Variants in ANKDD1A observed in about 807,000 individuals in gnomAD.
ANKDD1A encodes the protein ankyrin repeat and death domain containing 1A.
ANKDD1A carries 59 observed loss-of-function variants against 63.5 expected under a neutral mutation model. The observed-to-expected ratio is 0.93, with a 90% CI of 0.75 to 1.15. ANKDD1A has a LOEUF of 1.15. Ranked by LOEUF, ANKDD1A falls within the 50% of genes most tolerant of loss-of-function variation. ANKDD1A has a pLI of 0.00. For missense variants in ANKDD1A, 632 were observed against 656.4 expected, an observed-to-expected ratio of 0.96 and a Z score of 0.41; for synonymous variants, 266 against 263.9, an observed-to-expected ratio of 1.01 and a Z score of -0.08.
At chr15:64,951,865 TC>T (rs2085290010) in intron 14 of ANKDD1A, among the ~76,000 whole-genome samples, 2 of 17,818 alleles carry the variant, frequency 1.1e-4, no homozygotes. Flanking sequence ...TTCTTCCTCT[TC>T]TTTTTCTTTC....
chr15:64,951,549 C>CTCTTCTTTCTTT (rs1295645692), intron 14 of ANKDD1A: 3 of 3,160 alleles, frequency 9.5e-4, no homozygotes, highest in Admixed American at 9.5e-3. Flanking sequence ...CTTCTTTCTT[C>CTCTTCTTTCTTT]TCTTCTTTCT....
chr15:64,927,654 G>A (rs2085056688), intron 6 of ANKDD1A, among the ~76,000 whole-genome samples: 1 of 149,856 alleles, frequency 6.7e-6, no homozygotes, highest in Non-Finnish European at 1.5e-5. Flanking sequence ...GTCCAGGCTG[G>A]AGTGCAGTGG....
At position 64,927,894 on chromosome 15, in the gene ANKDD1A, C is replaced by T. The variant is rs534638627; in HGVS notation, c.570+895C>T. ...TGCTGGGATTACACGCGTAAGCCATCGCGCCCGGCCTGTTACAGCAAATTC... is the reference window on the plus strand; with the variant it reads ...TGCTGGGATTACACGCGTAAGCCATTGCGCCCGGCCTGTTACAGCAAATTC... On this transcript the variant is annotated intron_variant, in intron 6 of 14. Transcript: ENST00000319580. Among the ~76,000 whole-genome samples the T allele has an allele frequency of 4.3e-4, 65 of 152,280 alleles. 1 individual carries two copies. Among genetic ancestry groups the T allele is most frequent in the Admixed American group, 3.3e-4 (5 of 15,294 alleles).
At chr15:64,913,970 A>G (rs1230538304) in intron 1 of ANKDD1A, 2 of 149,104 alleles carry the variant, frequency 1.3e-5, no homozygotes, top group African/African-American at 4.9e-5. Context: ...TCATACAAGC[A>G]GAGATTTTTT....
In ANKDD1A at chr15:64,926,881, C is replaced by G; in HGVS notation, c.472-20C>G. 6.2e-7 allele frequency: 1 copy of G among 1,613,666 alleles called. No homozygotes were observed. The highest frequency in any genetic ancestry group is 1.1e-5 in the South Asian group (1 of 91,066). On this transcript the variant is annotated intron_variant, in intron 5 of 14. Coordinates refer to ENST00000319580, the MANE Select transcript of ANKDD1A (RefSeq NM_182703.6). Reference sequence around the variant, plus strand: ...ACTGACAGAGTGAGGAAGGCTCACACCGCTTCTCCTCCCGGCCAGCTGGGG... The same window carrying G: ...ACTGACAGAGTGAGGAAGGCTCACAGCGCTTCTCCTCCCGGCCAGCTGGGG...
chr15:64,939,497 C>T (rs1030582452), intron 9 of ANKDD1A, among the ~76,000 whole-genome samples: 3 of 152,066 alleles, frequency 2.0e-5, no homozygotes, highest in Non-Finnish European at 4.4e-5. Flanking sequence ...TGCCTGTAGT[C>T]CCTGTTCCTC....
chr15:64,952,229 C>G (rs1322440622), intron 14 of ANKDD1A, among the ~76,000 whole-genome samples: 5 of 143,672 alleles, frequency 3.5e-5, no homozygotes, highest in East Asian at 2.0e-4. Flanking sequence ...CTTCCTTCTC[C>G]TCCTTTCTTC....
rs371117633 is a variant in ANKDD1A, at chr15:64,924,492, C to A, written c.367-1574C>A. Among the ~76,000 whole-genome samples the A allele has an allele frequency of 4.6e-5, 7 of 152,364 alleles. No homozygotes were observed. The South Asian group carries it at 6.2e-4, about 14-fold the overall frequency. On this transcript the variant is annotated intron_variant, in intron 4 of 14. Transcript: ENST00000319580. Reference sequence around the variant, plus strand: ...CCACTCTTCCTTTCAATCTCTTATTCAAGGTCTTCCCCAAAGGGATTCATC... The same window carrying A: ...CCACTCTTCCTTTCAATCTCTTATTAAAGGTCTTCCCCAAAGGGATTCATC...
intron 2 of ANKDD1A, among the ~76,000 whole-genome samples, chr15:64,916,274 C>T (rs2084967750): frequency 6.6e-6 from 1 of 152,046 alleles, no homozygotes; most frequent in Non-Finnish European, 1.5e-5. Context: ...ACAAACAATT[C>T]ATTCCCTCTG....
At chr15:64,915,373 G>C (rs1351553812) in intron 1 of ANKDD1A, among the ~76,000 whole-genome samples, 2 of 152,208 alleles carry the variant, frequency 1.3e-5, no homozygotes, top group African/African-American at 4.8e-5. Flanking sequence ...CCCGGCGCTG[G>C]CACGCAGTAG....
intron 14 of ANKDD1A, chr15:64,951,327 C>CTTCTTCTTTTCTT (rs2085269604): frequency 1.4e-6 from 1 of 732,150 alleles, no homozygotes. Context: ...TTTCTTCTTT[C>CTTCTTCTTTTCTT]CTCTTTTTCT....
At chr15:64,952,994 CTTCTTAG>C (rs1410999343) in intron 14 of ANKDD1A, among the ~76,000 whole-genome samples, 2 of 10,316 alleles carry the variant, frequency 1.9e-4, no homozygotes, top group African/African-American at 2.7e-4. Flanking sequence ...CCTTCTTCTC[CTTCTTAG>C]TTCTTTCTTC....
At chr15:64,916,335 T>C (rs901123106) in intron 2 of ANKDD1A, among the ~76,000 whole-genome samples, 14 of 151,226 alleles carry the variant, frequency 9.3e-5, no homozygotes, top group Non-Finnish European at 1.6e-4. Context: ...TTTTTCTTTT[T>C]TTTTTTTTTT....
intron 14 of ANKDD1A, among the ~76,000 whole-genome samples, chr15:64,952,079 C>T (rs1308451761): frequency 0.031 from 161 of 5,140 alleles, 1 homozygote; most frequent in South Asian, 0.086. Context: ...TCTTCTTCTT[C>T]CTTCTTTTCT....
chr15:64,952,677 C>T lies in ANKDD1A; in HGVS notation c.1483+2705C>T, dbSNP rs534890390. Among the ~76,000 whole-genome samples the T allele has an allele frequency of 2.2e-5, 3 of 138,704 alleles. No homozygotes were observed. The East Asian group carries it at 7.0e-4, about 32-fold the overall frequency. The allele number at this position is 138,704 out of a possible 152,430, so 91.0% of individuals were successfully genotyped here. ...CTTCTTCTTCCCCTTCTTCCTTCTT[C>T]TTCTTCCTCTCCTTTTTCTTCTTAG... is the stretch of plus-strand genomic sequence containing the variant. On this transcript the variant is annotated intron_variant, in intron 14 of 14. Coordinates refer to ENST00000319580, the MANE Select transcript of ANKDD1A (RefSeq NM_182703.6).
intron 8 of ANKDD1A, among the ~76,000 whole-genome samples, 179 bp from the exon 9 acceptor site, chr15:64,933,957 G>A (rs1214421045): frequency 6.6e-6 from 1 of 152,174 alleles, no homozygotes; most frequent in Non-Finnish European, 1.5e-5. Flanking sequence ...ACCATAATGA[G>A]TTCCTTTTAC....
chr15:64,936,983 A>AAT (rs1442728339), intron 9 of ANKDD1A, among the ~76,000 whole-genome samples: 1 of 152,250 alleles, frequency 6.6e-6, no homozygotes, highest in Non-Finnish European at 1.5e-5. Context: ...AATGCAAATT[A>AAT]ATACTACATG....
At chr15:64,922,323 C>T (rs1245079028) in intron 4 of ANKDD1A, 5 of 371,416 alleles carry the variant, frequency 1.3e-5, no homozygotes, top group Admixed American at 4.1e-5. Context: ...AGGCTCTGCA[C>T]CCCTTGTGCT....
chr15:64,952,246 T>C (rs2085302276), intron 14 of ANKDD1A, among the ~76,000 whole-genome samples: 1 of 150,556 alleles, frequency 6.6e-6, no homozygotes, highest in Non-Finnish European at 1.5e-5. Context: ...CTTCTTCTTA[T>C]TCTTCTCCTT....
Sources: gnomAD v4.1 joint callset for allele counts (sites outside exome capture counted in the v4.1 genomes callset) on GRCh38, gnomAD v4.1.1 for gene constraint, MANE v1.5 for transcripts, NCBI Gene and HGNC (gene_info 2026-07-23, HGNC 2026-07-21) for gene names.